The following NDUFAF6 variants were observed in gnomAD, a reference collection of about 807,000 sequenced individuals.
The protein encoded by NDUFAF6 is NADH:ubiquinone oxidoreductase complex assembly factor 6.
NDUFAF6 carries 45 observed loss-of-function variants against 40.8 expected under a neutral mutation model. The observed-to-expected ratio is 1.10, with a 90% CI of 0.87 to 1.42. The LOEUF (loss-of-function observed/expected upper bound fraction) is 1.42, where lower values mean the gene tolerates loss of function less well. Ranked by LOEUF, NDUFAF6 falls within the 40% of genes most tolerant of loss-of-function variation. NDUFAF6 has a pLI of 0.00. For synonymous variants in NDUFAF6, 185 were observed against 155.9 expected (o/e 1.19, Z -1.39); for missense variants, 435 against 418.5 (o/e 1.04, Z -0.34).
intron 2 of NDUFAF6, among the ~76,000 whole-genome samples, chr8:94,985,508 TATATA>T (rs1563770890): frequency 8.7e-4 from 5 of 5,772 alleles, no homozygotes; most frequent in African/African-American, 1.9e-3. Flanking sequence ...TATATATATA[TATATA>T]TATTTTTTTT....
At chr8:94,948,756 G>A (rs1215095138) in intron 2 of NDUFAF6, among the ~76,000 whole-genome samples, 4 of 152,192 alleles carry the variant, frequency 2.6e-5, no homozygotes, top group Admixed American at 6.5e-5. Context: ...GCAGGCGGAG[G>A]AGGAGGAGTG....
At chr8:94,933,318 A>G (rs1267582953) in intron 1 of NDUFAF6, among the ~76,000 whole-genome samples, 2 of 152,228 alleles carry the variant, frequency 1.3e-5, no homozygotes, top group Non-Finnish European at 2.9e-5. Context: ...GAATGCAAAA[A>G]CAAACAAGAT....
chr8:95,009,764 G>A (rs1366177767), intron 2 of NDUFAF6, among the ~76,000 whole-genome samples: 1 of 151,952 alleles, frequency 6.6e-6, no homozygotes, highest in Non-Finnish European at 1.5e-5. Context: ...CTCAAAAGAG[G>A]GCAGAGAAAG....
At chr8:94,918,370 T>C (rs1344371067) in intron 1 of NDUFAF6, among the ~76,000 whole-genome samples, 1 of 152,032 alleles carries the variant, frequency 6.6e-6, no homozygotes, top group Non-Finnish European at 1.5e-5. Flanking sequence ...GGTGGAGAAA[T>C]AAGCTGCCAG....
In NDUFAF6 at chr8:95,100,750, C is replaced by T. The variant is rs557089655; in HGVS notation, n.135+222C>T. On this transcript the variant is annotated intron_variant and non_coding_transcript_variant, in intron 1 of 2. Coordinates refer to the NDUFAF6 transcript ENST00000521063. ...TATCCATTGTGTCCATAAACTAATA[C>T]ATTGTTTTCTATTTTTGTAGACATT... Among the ~76,000 whole-genome samples the T allele has an allele frequency of 2.0e-5, 3 of 152,242 alleles. No homozygotes were observed. The Middle Eastern group carries it at 0.01, about 518-fold the overall frequency.
At chr8:94,971,707 C>T (rs374970164) in intron 1 of NDUFAF6, among the ~76,000 whole-genome samples, 20 of 152,214 alleles carry the variant, frequency 1.3e-4, no homozygotes, top group East Asian at 5.8e-4. Context: ...GAGGCGGAGG[C>T]GGGTGGATCA....
intron 1 of NDUFAF6, among the ~76,000 whole-genome samples, chr8:94,936,255 A>G (rs1186304433): frequency 6.6e-6 from 1 of 152,242 alleles, no homozygotes; most frequent in Non-Finnish European, 1.5e-5. Context: ...TTAGGAGGGC[A>G]GTGCCCAGAA....
chr8:95,046,899 T>A (rs1200521061), intron 5 of NDUFAF6, 95 bp from the exon 6 acceptor site: 1 of 1,532,236 alleles, frequency 6.5e-7, no homozygotes, highest in Admixed American at 1.7e-5. Flanking sequence ...GATAAATGTC[T>A]CCTTTTACAT....
chr8:94,922,972 A>AT (rs959368088), intron 1 of NDUFAF6, among the ~76,000 whole-genome samples: 29 of 151,610 alleles, frequency 1.9e-4, no homozygotes, highest in African/African-American at 2.2e-4. Context: ...CACAAGAGTC[A>AT]TTTTTTTTTC....
chr8:94,949,141 C>CA (rs1053337248), intron 2 of NDUFAF6: 2 of 149,228 alleles, frequency 1.3e-5, no homozygotes, highest in Admixed American at 6.7e-5. Context: ...GCCCGCCCCC[C>CA]CCCGGCACTT....
chr8:95,098,521 C>T (rs988267510), upstream of NDUFAF6, among the ~76,000 whole-genome samples: 7 of 152,112 alleles, frequency 4.6e-5, no homozygotes, highest in African/African-American at 1.7e-4. Flanking sequence ...CAAAAATTAG[C>T]CGGGCATGGT....
chr8:95,075,966 T>A, exon 10 of NDUFAF6: 1 of 297,782 alleles, frequency 3.4e-6, no homozygotes, highest in East Asian at 8.6e-5. Flanking sequence ...AGAAGGCTGG[T>A]GGGGTGGACT....
At chr8:94,930,283 T>A (rs957217664) in intron 1 of NDUFAF6, 2 of 661,614 alleles carry the variant, frequency 3.0e-6, no homozygotes, top group Non-Finnish European at 4.9e-6. Context: ...ACAAAAAAAG[T>A]AAATGTTAAA....
chr8:94,985,878 CT>C (rs781261737), intron 2 of NDUFAF6, among the ~76,000 whole-genome samples: 248 of 136,302 alleles, frequency 1.8e-3, no homozygotes, highest in Non-Finnish European at 1.8e-3. Context: ...TTCTTCCTTT[CT>C]TTTTTTTTTT....
chr8:95,039,189 T>C (rs1409875350), intron 3 of NDUFAF6, among the ~76,000 whole-genome samples: 1 of 150,538 alleles, frequency 6.6e-6, no homozygotes, highest in Non-Finnish European at 1.5e-5. Context: ...GCACGTTGGC[T>C]CACACCTGTA....
At chr8:95,036,490 A>G in intron 3 of NDUFAF6, 1 of 1,289,364 alleles carries the variant, frequency 7.8e-7, no homozygotes, top group Non-Finnish European at 1.0e-6. Flanking sequence ...AGTGGATGGG[A>G]AGCTGTGAGT....
At chr8:95,044,658 G>A (rs1340741891) in intron 4 of NDUFAF6, 1 of 151,720 alleles carries the variant, frequency 6.6e-6, no homozygotes, top group Non-Finnish European at 1.5e-5. Flanking sequence ...GTTTTACCAT[G>A]TTGGCTAGGC....
At chr8:94,901,645 G>A (rs930346533) in intron 1 of NDUFAF6, among the ~76,000 whole-genome samples, 1 of 152,066 alleles carries the variant, frequency 6.6e-6, no homozygotes, top group Non-Finnish European at 1.5e-5. Context: ...GCAGTGGCGC[G>A]ATCTCAGCTC....
At chr8:94,944,894 G>A (rs928238054) in intron 1 of NDUFAF6, among the ~76,000 whole-genome samples, 2 of 152,128 alleles carry the variant, frequency 1.3e-5, no homozygotes, top group African/African-American at 4.8e-5. Context: ...AAGTGAGGCT[G>A]GTTTAACTAG....
Sources: allele counts gnomAD v4.1 joint callset (sites outside exome capture counted in the v4.1 genomes callset), GRCh38; gene constraint gnomAD v4.1.1; transcripts MANE v1.5; gene names NCBI Gene and HGNC (gene_info 2026-07-23, HGNC 2026-07-21).